The following RAPGEF1 variants were observed in gnomAD, a reference collection of about 807,000 sequenced individuals.
The protein encoded by RAPGEF1 is Rap guanine nucleotide exchange factor 1.
A neutral mutation model predicts 143.3 loss-of-function variants in RAPGEF1; 33 were observed. The observed-to-expected ratio is 0.23, with a 90% CI of 0.17 to 0.31. The LOEUF (loss-of-function observed/expected upper bound fraction) is 0.31, where lower values mean the gene tolerates loss of function less well. Among genes scored for constraint, RAPGEF1 ranks in the 10% least tolerant of loss-of-function variants. The pLI is 1.00. For missense variants in RAPGEF1, 1,199 were observed against 1,645.4 expected, an observed-to-expected ratio of 0.73 and a Z score of 4.69; for synonymous variants, 629 against 676.5, an observed-to-expected ratio of 0.93 and a Z score of 1.09.
At chr9:131,581,955 A>T (rs1951927970) in intron 25 of RAPGEF1, among the ~76,000 whole-genome samples, 1 of 152,094 alleles carries the variant, frequency 6.6e-6, no homozygotes, top group Admixed American at 6.5e-5. Context: ...GCCATTGAAC[A>T]CTCAGCACTG....
chr9:131,711,561 T>C (rs1188928105), intron 1 of RAPGEF1, among the ~76,000 whole-genome samples: 2 of 152,156 alleles, frequency 1.3e-5, no homozygotes, highest in South Asian at 4.1e-4. Context: ...ATCTGCCACG[T>C]TGGCCAGGCT....
At chr9:131,725,130 T>C (rs1193736918) in intron 1 of RAPGEF1, 1 of 152,202 alleles carries the variant, frequency 6.6e-6, no homozygotes, top group Non-Finnish European at 1.5e-5. Context: ...CTTAGGTATG[T>C]ATGTATGTAC....
intron 22 of RAPGEF1, among the ~76,000 whole-genome samples, chr9:131,587,479 T>C (rs1238175663): frequency 2.6e-5 from 4 of 152,216 alleles, no homozygotes; most frequent in Non-Finnish European, 5.9e-5. Flanking sequence ...ACACCACCTA[T>C]GGCAGACATC....
chr9:131,716,559 C>A (rs759591702), intron 1 of RAPGEF1, among the ~76,000 whole-genome samples: 7 of 152,086 alleles, frequency 4.6e-5, no homozygotes, highest in Non-Finnish European at 8.8e-5. Context: ...TGAGCCCAGG[C>A]GTTTGAGACC....
intron 9 of RAPGEF1, among the ~76,000 whole-genome samples, chr9:131,627,642 A>G (rs1963648333): frequency 6.6e-6 from 1 of 152,210 alleles, no homozygotes; most frequent in Non-Finnish European, 1.5e-5. Context: ...AAAGAGAGTC[A>G]AATTACTCAC....
chr9:131,643,516 T>C (rs1334157327), intron 3 of RAPGEF1, 99 bp from the exon 4 acceptor site: 2 of 1,203,376 alleles, frequency 1.7e-6, no homozygotes, highest in African/African-American at 3.1e-5. Flanking sequence ...TTGAGATCGA[T>C]AGGAATGGAA....
At chr9:131,585,483 C>T (rs1952570427) in intron 22 of RAPGEF1, among the ~76,000 whole-genome samples, 1 of 152,326 alleles carries the variant, frequency 6.6e-6, no homozygotes, top group East Asian at 1.9e-4. Context: ...ACTCGCACCT[C>T]TGTGCAGCCA....
At chr9:131,694,499 CAG>C (rs1358613813) in intron 1 of RAPGEF1, among the ~76,000 whole-genome samples, 5 of 152,198 alleles carry the variant, frequency 3.3e-5, no homozygotes, top group African/African-American at 4.8e-5. Context: ...TAAAATGAAA[CAG>C]AAATGTAATC....
chr9:131,675,404 G>A lies in RAPGEF1; in HGVS notation c.62-24455C>T, dbSNP rs573594771. On this transcript the variant is annotated intron_variant, in intron 1 of 26. Transcript: ENST00000683357. The surrounding 1 kb of genome is among the most constrained non-coding windows in gnomAD (Gnocchi z 4.6). ...CTTCCTGCGGGTGCCGGGACGTGCC[G>A]TCCACAGGGTTCACCATGTGTTTTT... 2.6e-5 allele frequency among the ~76,000 whole-genome samples: 4 copies of A among 152,316 alleles called. No homozygotes were observed. Among genetic ancestry groups the A allele is most frequent in the East Asian group, 1.9e-4 (1 of 5,180 alleles).
chr9:131,660,568 T>C (rs988394105), intron 1 of RAPGEF1, among the ~76,000 whole-genome samples: 85 of 152,224 alleles, frequency 5.6e-4, no homozygotes, highest in African/African-American at 1.9e-3. Context: ...AATGAATAGA[T>C]TCTAACTTCT....
chr9:131,660,076 G>A (rs1043991349), intron 1 of RAPGEF1, among the ~76,000 whole-genome samples: 2 of 152,052 alleles, frequency 1.3e-5, no homozygotes, highest in African/African-American at 2.4e-5. Flanking sequence ...CCTCGGCCTC[G>A]CAAAGTGCTG....
chr9:131,678,947 C>T (rs988820082), intron 1 of RAPGEF1, among the ~76,000 whole-genome samples: 4 of 152,080 alleles, frequency 2.6e-5, no homozygotes, highest in African/African-American at 7.3e-5. Flanking sequence ...ATGAGTGAAA[C>T]TGGATATGGT....
At chr9:131,717,790 T>G in intron 1 of RAPGEF1, among the ~76,000 whole-genome samples, 1 of 138,918 alleles carries the variant, frequency 7.2e-6, no homozygotes, top group South Asian at 2.5e-4. Flanking sequence ...AGGCTACATT[T>G]AAAGGGGGAA....
intron 12 of RAPGEF1, among the ~76,000 whole-genome samples, chr9:131,617,914 G>A (rs2132768756): frequency 6.6e-6 from 1 of 152,312 alleles, no homozygotes; most frequent in South Asian, 2.1e-4. Context: ...AAGGGAGAAT[G>A]GTGGCCATTT....
intron 15 of RAPGEF1, chr9:131,598,554 A>T (rs1294188812): frequency 1.5e-6 from 1 of 646,396 alleles, no homozygotes; most frequent in East Asian, 3.2e-5. Flanking sequence ...CTGGGAAAAT[A>T]AAAAGGTTCC....
chr9:131,626,122 T>G lies in RAPGEF1; in HGVS notation c.1502A>C (p.Gln501Pro). Residue 501 changes from glutamine (Q) to proline (P), a missense_variant, in exon 10 of 27, where the codon CAG becomes CCG. This residue lies in a region of RAPGEF1 where 613 missense variants were observed against 710.9 expected (regional missense o/e 0.86). Transcript: ENST00000683357. Reference sequence around the variant, plus strand: ...GTCCTCCCCAGAGATGTTGTCATACTGCGAGGGATGCCGCTCGTAGGACAC... The same window carrying G: ...GTCCTCCCCAGAGATGTTGTCATACGGCGAGGGATGCCGCTCGTAGGACAC... Reference protein sequence around the residue: ...CRVSYERHPSQYDNISGEDLQ... With the variant: ...CRVSYERHPSPYDNISGEDLQ... 6.2e-7 allele frequency: 1 copy of G among 1,613,930 alleles called. No homozygotes were observed. Among genetic ancestry groups the G allele is most frequent in the African/African-American group, 1.3e-5 (1 of 75,020 alleles).
At chr9:131,610,028 G>T (rs559182253) in intron 12 of RAPGEF1, among the ~76,000 whole-genome samples, 2 of 152,104 alleles carry the variant, frequency 1.3e-5, no homozygotes, top group African/African-American at 4.8e-5. Flanking sequence ...TCTCAAATAG[G>T]GGGGAATATA....
Position 131,584,694 on chromosome 9 carries a change from G to C in RAPGEF1, c.3234-98C>G. On this transcript the variant is annotated intron_variant, in intron 22 of 26. Transcript: ENST00000683357. The surrounding 1 kb of genome is among the most constrained non-coding windows in gnomAD (Gnocchi z 6.8). ...CAGGACCTGTACGACCCCCATGCCAGTGGCCACGAGCCCACCCCTACTGAA... is the reference window on the plus strand; with the variant it reads ...CAGGACCTGTACGACCCCCATGCCACTGGCCACGAGCCCACCCCTACTGAA... 2 of 1,190,398 alleles carry C rather than the reference G, an allele frequency of 1.7e-6. No individual in the cohort carries two copies. The highest frequency in any genetic ancestry group is 2.5e-6 in the Non-Finnish European group (2 of 808,136). 73.7% of individuals were successfully genotyped at this position (1,190,398 alleles called of 1,614,324 possible). A position where few individuals can be genotyped will look rare whatever the true frequency, so the allele number is the denominator to read the frequency against.
intron 1 of RAPGEF1, among the ~76,000 whole-genome samples, chr9:131,658,194 C>CA (rs1973044991): frequency 6.6e-6 from 1 of 152,168 alleles, no homozygotes; most frequent in African/African-American, 2.4e-5. Flanking sequence ...ACAGATATTG[C>CA]AAAACAATTC....
Sources: gnomAD v4.1 joint callset for allele counts (sites outside exome capture counted in the v4.1 genomes callset) on GRCh38, gnomAD v4.1.1 for gene constraint, gnomAD v4.1.1 regional missense constraint, Gnocchi (gnomAD v3.1) non-coding constraint, MANE v1.5 for transcripts, NCBI Gene and HGNC (gene_info 2026-07-23, HGNC 2026-07-21) for gene names.